SEMA3A: variants seen among roughly 807,000 people sequenced by gnomAD.
SEMA3A encodes semaphorin-3A.
A neutral mutation model predicts 97.9 loss-of-function variants in SEMA3A; 29 were observed. That is an observed-to-expected ratio of 0.30 (90% CI 0.22 to 0.40). The LOEUF is 0.40. Ranked by LOEUF, SEMA3A falls within the 10% of genes least tolerant of loss-of-function variation. The pLI is 1.00. For synonymous variants in SEMA3A, 321 were observed against 323.7 expected, an observed-to-expected ratio of 0.99 and a Z score of 0.09; for missense variants, 763 against 951.3, an observed-to-expected ratio of 0.80 and a Z score of 2.60.
intron 6 of SEMA3A, among the ~76,000 whole-genome samples, chr7:84,023,759 C>T (rs545521919): frequency 6.6e-6 from 1 of 152,126 alleles, no homozygotes; most frequent in Admixed American, 6.5e-5. Flanking sequence ...GCCTGTAATC[C>T]CAGCACTTTG....
intron 2 of SEMA3A, among the ~76,000 whole-genome samples, chr7:84,349,476 G>T (rs889050862): frequency 2.0e-5 from 3 of 152,158 alleles, no homozygotes; most frequent in Non-Finnish European, 4.4e-5. Flanking sequence ...ATTGAGAAAT[G>T]ATAAATTGTG....
Position 84,427,449 on chromosome 7 carries a change from C to G in SEMA3A, c.-245-55549G>C, listed in dbSNP as rs556061436. 3.6e-3 allele frequency among the ~76,000 whole-genome samples: 544 copies of G among 151,652 alleles called. 1 individual carries two copies. Among genetic ancestry groups the G allele is most frequent in the Middle Eastern group, 0.01 (3 of 292 alleles). ...AGATCACAATGTCAGGAGTTTGAGACCAGCCTGGCCAATATGGTGAAACCC... is the reference window on the plus strand; with the variant it reads ...AGATCACAATGTCAGGAGTTTGAGAGCAGCCTGGCCAATATGGTGAAACCC... On this transcript the variant is annotated intron_variant, in intron 1 of 3. Transcript: ENST00000424555.
At chr7:84,218,830 A>C (rs1465447041) in intron 3 of SEMA3A, among the ~76,000 whole-genome samples, 1 of 151,986 alleles carries the variant, frequency 6.6e-6, no homozygotes, top group Non-Finnish European at 1.5e-5. Flanking sequence ...TCTATATTTA[A>C]CCTCCCCATC....
Position 84,429,547 on chromosome 7 carries a change from TAGCG to T in SEMA3A, c.-245-57651_-245-57648del, listed in dbSNP as rs1157955947. 3.5e-5 allele frequency among the ~76,000 whole-genome samples: 4 copies of T among 115,928 alleles called. No homozygotes were observed. The South Asian group carries it at 9.2e-4, about 27-fold the overall frequency. 76.1% of individuals were successfully genotyped at this position (115,928 alleles called of 152,430 possible). On this transcript the variant is annotated intron_variant, in intron 1 of 3. Transcript: ENST00000424555. The stretch of plus-strand genomic sequence containing the variant: ...ATATATATATATATATATATATATA[TAGCG>T]AGAGAGAGAGAGAGAGAGAGAGGTT...
intron 3 of SEMA3A, among the ~76,000 whole-genome samples, chr7:84,295,000 T>C (rs1800833287): frequency 6.6e-6 from 1 of 152,050 alleles, no homozygotes; most frequent in Non-Finnish European, 1.5e-5. Context: ...AATCTTTATA[T>C]AGCAAAAAGT....
At chr7:84,142,910 C>T (rs1413689483) in intron 1 of SEMA3A, among the ~76,000 whole-genome samples, 1 of 152,164 alleles carries the variant, frequency 6.6e-6, no homozygotes, top group Non-Finnish European at 1.5e-5. Flanking sequence ...CTGACGTCAT[C>T]AACTTTCTGT....
upstream of SEMA3A, among the ~76,000 whole-genome samples, chr7:84,199,380 T>C (rs1394923915): frequency 6.6e-6 from 1 of 152,148 alleles, no homozygotes; most frequent in Non-Finnish European, 1.5e-5. Context: ...CAGAAGCAGA[T>C]GACCTCTTTA....
intron 7 of SEMA3A, among the ~76,000 whole-genome samples, chr7:84,012,221 T>G (rs550500346): frequency 1.1e-3 from 175 of 152,302 alleles, no homozygotes; most frequent in African/African-American, 4.0e-3. Context: ...GAGTAGATTT[T>G]AAGTCTTCTC....
At chr7:84,348,060 G>A (rs923834180) in intron 2 of SEMA3A, among the ~76,000 whole-genome samples, 7 of 152,010 alleles carry the variant, frequency 4.6e-5, no homozygotes, top group Non-Finnish European at 8.8e-5. Flanking sequence ...GGAATGTATG[G>A]GGACTCTGCA....
intron 1 of SEMA3A, among the ~76,000 whole-genome samples, chr7:84,453,461 C>T (rs1412355618): frequency 1.3e-5 from 2 of 152,006 alleles, no homozygotes; most frequent in East Asian, 3.9e-4. Flanking sequence ...TGGTCTCGAT[C>T]TCCTGACCTC....
At chr7:84,357,404 C>A (rs766025492) in intron 2 of SEMA3A, among the ~76,000 whole-genome samples, 1 of 150,804 alleles carries the variant, frequency 6.6e-6, no homozygotes, top group Non-Finnish European at 1.5e-5. Context: ...TCTGTCTTTG[C>A]GATAGTTTGC....
intron 3 of SEMA3A, among the ~76,000 whole-genome samples, chr7:84,117,224 C>A (rs116058867): frequency 0.019 from 2,937 of 152,156 alleles, 97 homozygotes; most frequent in African/African-American, 0.067. Context: ...TTTATGCACA[C>A]ATTTAAATTT....
intron 1 of SEMA3A, among the ~76,000 whole-genome samples, chr7:84,150,652 G>A (rs796545406): frequency 6.6e-6 from 1 of 151,948 alleles, no homozygotes; most frequent in East Asian, 1.9e-4. Context: ...AGGCGGCAGT[G>A]AGGATGGGGG....
In SEMA3A at chr7:84,329,844, C is replaced by T. The variant is rs367758245; in HGVS notation, c.-168-22552G>A. Among the ~76,000 whole-genome samples the T allele has an allele frequency of 3.3e-5, 5 of 152,080 alleles. No homozygotes were observed. In the South Asian group the frequency reaches 1.0e-3, roughly 31 times the overall value. On this transcript the variant is annotated intron_variant, in intron 2 of 3. Coordinates refer to the SEMA3A transcript ENST00000424555. Reference sequence around the variant, plus strand: ...TCACATACTTGCACTTCTCTTTGTGCTTTCACATGGGGTCTCTCTGGCCTT... The same window carrying T: ...TCACATACTTGCACTTCTCTTTGTGTTTTCACATGGGGTCTCTCTGGCCTT...
At chr7:84,365,704 C>T (rs1395545069) in intron 2 of SEMA3A, among the ~76,000 whole-genome samples, 1 of 151,092 alleles carries the variant, frequency 6.6e-6, no homozygotes, top group East Asian at 1.9e-4. Context: ...TTTGCTGCAA[C>T]AACTTCAAAA....
intron 3 of SEMA3A, among the ~76,000 whole-genome samples, chr7:84,125,140 G>A (rs1428213090): frequency 6.6e-6 from 1 of 151,944 alleles, no homozygotes; most frequent in East Asian, 1.9e-4. Flanking sequence ...AGAATATGAA[G>A]AAATACCAAA....
chr7:84,267,343 T>G lies in SEMA3A; in HGVS notation c.-83+39864A>C, dbSNP rs1050549113. Among the ~76,000 whole-genome samples the G allele has an allele frequency of 4.6e-5, 7 of 152,140 alleles. No individual in the cohort carries two copies. In the East Asian group the frequency reaches 1.2e-3, roughly 25 times the overall value. ...CTTATCCATCTTTCTTACACATGCA[T>G]GTACACACGAGCACAATTAACAACT... On this transcript the variant is annotated intron_variant, in intron 3 of 3. Coordinates refer to the SEMA3A transcript ENST00000424555.
intron 1 of SEMA3A, among the ~76,000 whole-genome samples, chr7:84,452,880 C>G (rs1053596449): frequency 6.6e-6 from 1 of 151,938 alleles, no homozygotes; most frequent in African/African-American, 2.4e-5. Flanking sequence ...ACTTGTTACT[C>G]TGTGTGACCA....
At chr7:84,271,368 T>G (rs1234191625) in intron 3 of SEMA3A, among the ~76,000 whole-genome samples, 1 of 151,996 alleles carries the variant, frequency 6.6e-6, no homozygotes, top group African/African-American at 2.4e-5. Flanking sequence ...TGTGCTAATT[T>G]TAAAGGCACA....
Sources: allele counts gnomAD v4.1 joint callset (sites outside exome capture counted in the v4.1 genomes callset), GRCh38; gene constraint gnomAD v4.1.1; transcripts MANE v1.5; gene names NCBI Gene and HGNC (gene_info 2026-07-23, HGNC 2026-07-21).